PIK3R1: variants seen among roughly 807,000 people sequenced by gnomAD.
The protein encoded by PIK3R1 is phosphatidylinositol 3-kinase regulatory subunit alpha.
In PIK3R1, 29 loss-of-function variants were observed where a neutral mutation model predicts 98.0. The observed-to-expected ratio is 0.30, with a 90% CI of 0.22 to 0.40. The LOEUF (loss-of-function observed/expected upper bound fraction) is 0.40, where lower values mean the gene tolerates loss of function less well. PIK3R1 is among the 10% of genes least tolerant of loss of function. The pLI, the probability that PIK3R1 is intolerant of heterozygous loss-of-function variation, is 1.00. For missense variants in PIK3R1, 596 were observed against 872.7 expected (o/e 0.68, Z 3.99); for synonymous variants, 282 against 311.8 (o/e 0.90, Z 1.01).
At chr5:68,269,714 T>TTTTTAGAC (rs1425962484) in intron 2 of PIK3R1, among the ~76,000 whole-genome samples, 2 of 152,210 alleles carry the variant, frequency 1.3e-5, no homozygotes, top group East Asian at 3.8e-4. Flanking sequence ...TTTAAAAGAC[T>TTTTTAGAC]TTTTAGACTT....
chr5:68,232,801 G>A (rs941505809), intron 2 of PIK3R1, among the ~76,000 whole-genome samples: 4 of 152,212 alleles, frequency 2.6e-5, no homozygotes, highest in Admixed American at 2.6e-4. Context: ...AAAGGGTCCA[G>A]TGTCCTTATA....
intron 2 of PIK3R1, among the ~76,000 whole-genome samples, chr5:68,228,638 C>T (rs1045413898): frequency 6.6e-6 from 1 of 152,022 alleles, no homozygotes; most frequent in African/African-American, 2.4e-5. Flanking sequence ...GTTAAAAACG[C>T]TTTCTTCAGT....
At chr5:68,261,918 G>T (rs937901623) in intron 2 of PIK3R1, among the ~76,000 whole-genome samples, 2 of 152,110 alleles carry the variant, frequency 1.3e-5, no homozygotes, top group Non-Finnish European at 2.9e-5. Flanking sequence ...GACAGAAATG[G>T]TGCAACAGAG....
At chr5:68,288,858 C>T in intron 7 of PIK3R1, 1 of 1,114,464 alleles carries the variant, frequency 9.0e-7, no homozygotes, top group Non-Finnish European at 1.4e-6. Flanking sequence ...TAAGCGCTGC[C>T]TGGGGAGGAC....
At chr5:68,236,130 TAAACTGGTG>T (rs1744657470) in intron 2 of PIK3R1, among the ~76,000 whole-genome samples, 1 of 151,196 alleles carries the variant, frequency 6.6e-6, no homozygotes, top group Non-Finnish European at 1.5e-5. Flanking sequence ...CTCGGCCTCC[TAAACTGGTG>T]GGATTACCAG....
chr5:68,286,980 T>C (rs898711849), intron 7 of PIK3R1, among the ~76,000 whole-genome samples: 2 of 152,238 alleles, frequency 1.3e-5, no homozygotes, highest in African/African-American at 4.8e-5. Context: ...GTTATTTCCA[T>C]TGGGAAAGTT....
intron 2 of PIK3R1, among the ~76,000 whole-genome samples, chr5:68,262,352 T>C (rs1249816913): frequency 1.3e-5 from 2 of 149,000 alleles, no homozygotes; most frequent in Non-Finnish European, 3.0e-5. Flanking sequence ...TGAGAATCTT[T>C]TTGAGAACAT....
At chr5:68,271,726 C>T (rs1376212075) in intron 2 of PIK3R1, among the ~76,000 whole-genome samples, 1 of 152,148 alleles carries the variant, frequency 6.6e-6, no homozygotes, top group Non-Finnish European at 1.5e-5. Flanking sequence ...TAGGATTTTC[C>T]CTCATAATAT....
At chr5:68,273,342 A>G (rs770527303) in intron 2 of PIK3R1, 48 bp from the exon 3 acceptor site, 2 of 1,506,188 alleles carry the variant, frequency 1.3e-6, no homozygotes, top group South Asian at 2.2e-5. Context: ...GGTCTAATGC[A>G]TTCAACTATC....
At chr5:68,232,795 G>A (rs531716772) in intron 2 of PIK3R1, among the ~76,000 whole-genome samples, 1 of 152,228 alleles carries the variant, frequency 6.6e-6, no homozygotes, top group East Asian at 1.9e-4. Flanking sequence ...ATGGGAAAAG[G>A]GTCCAGTGTC....
At chr5:68,243,519 A>T (rs1375639557) in intron 2 of PIK3R1, among the ~76,000 whole-genome samples, 2 of 152,240 alleles carry the variant, frequency 1.3e-5, no homozygotes, top group African/African-American at 2.4e-5. Context: ...GGAGTTAGAA[A>T]GTCCTGTTCT....
At chr5:68,216,558 G>T (rs1171278399) in intron 1 of PIK3R1, among the ~76,000 whole-genome samples, 5 of 152,174 alleles carry the variant, frequency 3.3e-5, no homozygotes, top group African/African-American at 1.2e-4. Flanking sequence ...GCGGTTGGTC[G>T]CTGGGGCCCT....
intron 2 of PIK3R1, among the ~76,000 whole-genome samples, chr5:68,269,302 T>G (rs1746251897): frequency 6.6e-6 from 1 of 152,238 alleles, no homozygotes; most frequent in Non-Finnish European, 1.5e-5. Context: ...TTCTCCACAC[T>G]TATACACTGT....
At chr5:68,253,020 AG>A (rs1382044000) in intron 2 of PIK3R1, among the ~76,000 whole-genome samples, 1 of 152,268 alleles carries the variant, frequency 6.6e-6, no homozygotes, top group Admixed American at 6.5e-5. Flanking sequence ...TAGGTAATTC[AG>A]GGCAAGTGTG....
At chr5:68,216,716 C>A (rs1306837708) in intron 1 of PIK3R1, among the ~76,000 whole-genome samples, 1 of 113,704 alleles carries the variant, frequency 8.8e-6, no homozygotes, top group South Asian at 2.7e-4. Context: ...TGGGGAGAGC[C>A]AGGGAGCCTG....
At chr5:68,265,858 A>C (rs1425526972) in intron 2 of PIK3R1, among the ~76,000 whole-genome samples, 1 of 152,214 alleles carries the variant, frequency 6.6e-6, no homozygotes, top group Admixed American at 6.5e-5. Flanking sequence ...CAATTCTTTC[A>C]ACTTTTCAGG....
Position 68,295,254 on chromosome 5 carries a change from A to G in PIK3R1, c.1675A>G (p.Ile559Val). ...LKKQAAEYRE[I>V]DKRMNSIKPD... is the part of the protein sequence containing the mutation. Reference sequence around the variant, plus strand: ...GAAGCAGGCAGCTGAGTATCGAGAAATTGACAAACGTATGAACAGCATTAA... The same window carrying G: ...GAAGCAGGCAGCTGAGTATCGAGAAGTTGACAAACGTATGAACAGCATTAA... The change falls in exon 13 of 16, where the codon ATT (isoleucine) becomes GTT (valine). Residue 559 changes from isoleucine to valine, a missense_variant. By Grantham distance (29) the Ile-to-Val change is conservative. This residue lies in a region of PIK3R1 where 207 missense variants were observed against 361.4 expected (regional missense o/e 0.57). Coordinates refer to ENST00000521381, the MANE Select transcript of PIK3R1 (RefSeq NM_181523.3). 6.2e-7 allele frequency: 1 copy of G among 1,614,196 alleles called. No individual in the cohort carries two copies. The highest frequency in any genetic ancestry group is 8.5e-7 in the Non-Finnish European group (1 of 1,180,014).
At chr5:68,235,841 A>G (rs78678802) in intron 2 of PIK3R1, among the ~76,000 whole-genome samples, 4,482 of 152,120 alleles carry the variant, frequency 0.029, 96 homozygotes, top group African/African-American at 0.051. Flanking sequence ...AACATTTGCA[A>G]ACTTACTCTT....
At chr5:68,244,055 C>T (rs923598931) in intron 2 of PIK3R1, among the ~76,000 whole-genome samples, 51 of 152,270 alleles carry the variant, frequency 3.3e-4, no homozygotes, top group African/African-American at 1.2e-3. Context: ...GATTAAATTG[C>T]AGATGGATAT....
Sources: gnomAD v4.1 joint callset for allele counts (sites outside exome capture counted in the v4.1 genomes callset) on GRCh38, gnomAD v4.1.1 for gene constraint, gnomAD v4.1.1 regional missense constraint, MANE v1.5 for transcripts, NCBI Gene and HGNC (gene_info 2026-07-23, HGNC 2026-07-21) for gene names.